Variants in SUN2 observed in about 807,000 individuals in gnomAD.
SUN2 encodes the protein SUN domain-containing protein 2.
Under a neutral mutation model 100.0 loss-of-function variants are expected in SUN2, and 60 were observed. The ratio of observed to expected loss-of-function variants is 0.60; its 90% CI spans 0.49 to 0.74. The LOEUF (loss-of-function observed/expected upper bound fraction) is 0.74, where lower values mean the gene tolerates loss of function less well. Ranked by LOEUF, SUN2 falls within the 30% of genes least tolerant of loss-of-function variation. The pLI, the probability that SUN2 is intolerant of heterozygous loss-of-function variation, is 0.00. For synonymous variants in SUN2, 367 were observed against 403.3 expected (o/e 0.91, Z 1.08); for missense variants, 834 against 954.6 (o/e 0.87, Z 1.66).
At position 38,740,246 on chromosome 22, in the gene SUN2, G is replaced by A; in HGVS notation, c.1356+21C>T. On this transcript the variant is annotated intron_variant, in intron 12 of 17. Transcript: ENST00000689035. This position sits in a 1 kb window ranked among gnomAD's most constrained non-coding sequence, Gnocchi z 4.8. ...AAGGAGGAGGAGAGGGACCAGCAGG[G>A]CCCTGGTGGTTCCCACTCACGTCGT... is the stretch of plus-strand genomic sequence containing the variant. The A allele has an allele frequency of 6.5e-7, 1 of 1,543,694 alleles. No individual in the cohort carries two copies.
intron 8 of SUN2, 27 bp downstream of exon 8, chr22:38,745,657 T>G: frequency 6.2e-7 from 1 of 1,611,902 alleles, no homozygotes; most frequent in Non-Finnish European, 8.5e-7. Context: ...GCTAAGCTCT[T>G]GGGAGCTACC....
chr22:38,749,654 A>G, intron 6 of SUN2, 112 bp downstream of exon 6: 1 of 1,013,542 alleles, frequency 9.9e-7, no homozygotes, highest in Middle Eastern at 2.1e-4. Context: ...TAAAGGCTCC[A>G]GGGAAACTGG....
At position 38,741,000 on chromosome 22, in the gene SUN2, C is replaced by G; in HGVS notation, c.1190+7G>C. The G allele has an allele frequency of 6.3e-7, 1 of 1,590,852 alleles. No individual in the cohort carries two copies. Among genetic ancestry groups the G allele is most frequent in the Non-Finnish European group, 8.6e-7 (1 of 1,168,782 alleles). Reference sequence around the variant, plus strand: ...GCAGGCCGAGGCCAGCTGGTGGCGCCCAGTACCTTTGCCACTCTGACTTCA... The same window carrying G: ...GCAGGCCGAGGCCAGCTGGTGGCGCGCAGTACCTTTGCCACTCTGACTTCA... On this transcript the variant is annotated splice_region_variant and intron_variant, in intron 11 of 17. Transcript: ENST00000689035. The surrounding 1 kb of genome is among the most constrained non-coding windows in gnomAD (Gnocchi z 4.8).
intron 8 of SUN2, among the ~76,000 whole-genome samples, chr22:38,744,313 C>G (rs1317431700): frequency 1.3e-5 from 2 of 149,664 alleles, no homozygotes; most frequent in African/African-American, 4.9e-5. Context: ...TGCAGTGACT[C>G]ATGCCTGTAA....
rs1369939881 is a variant in SUN2 at position 38,739,151 on chromosome 22, G to T, written c.1664-163C>A. 2.2e-6 allele frequency: 2 copies of T among 904,838 alleles called. No homozygotes were observed. Among genetic ancestry groups the T allele is most frequent in the Non-Finnish European group, 3.5e-6 (2 of 574,266 alleles). 56.1% of individuals were successfully genotyped at this position (904,838 alleles called of 1,614,324 possible). ...AGCTTTAAAGGTCAGCCTCTCCCTGGCCCAGGATGGTACTCGGTACGTCCT... is the reference window on the plus strand; with the variant it reads ...AGCTTTAAAGGTCAGCCTCTCCCTGTCCCAGGATGGTACTCGGTACGTCCT... On this transcript the variant is annotated intron_variant, in intron 14 of 17. Coordinates refer to ENST00000689035, the MANE Select transcript of SUN2 (RefSeq NM_015374.3). This position sits in a 1 kb window ranked among gnomAD's most constrained non-coding sequence, Gnocchi z 6.7.
In SUN2 at chr22:38,740,223, G is replaced by C; in HGVS notation, c.1356+44C>G. 6.7e-7 allele frequency: 1 copy of C among 1,497,126 alleles called. No homozygotes were observed. The highest frequency in any genetic ancestry group is 8.9e-7 in the Non-Finnish European group (1 of 1,120,304). 92.7% of individuals were successfully genotyped at this position (1,497,126 alleles called of 1,614,324 possible). A position where few individuals can be genotyped will look rare whatever the true frequency, so the allele number is the denominator to read the frequency against. ...AGGCCCCAGGACACGTCGTCTCAAA[G>C]GAGGAGGAGAGGGACCAGCAGGGCC... On this transcript the variant is annotated intron_variant, in intron 12 of 17. Coordinates refer to ENST00000689035, the MANE Select transcript of SUN2 (RefSeq NM_015374.3). The surrounding 1 kb of genome is among the most constrained non-coding windows in gnomAD (Gnocchi z 4.8).
chr22:38,751,878 G>A (rs545108587), intron 2 of SUN2, among the ~76,000 whole-genome samples: 2 of 152,370 alleles, frequency 1.3e-5, no homozygotes, highest in East Asian at 1.9e-4. Flanking sequence ...TCCAGAGCAG[G>A]GGGGGTTCCT....
intron 1 of SUN2, chr22:38,754,610 C>T: frequency 2.4e-5 from 12 of 492,962 alleles, no homozygotes; most frequent in Non-Finnish European, 4.4e-5. Context: ...ATCTCCCCTC[C>T]CCCCTCCCTG....
chr22:38,740,461 C>A lies in SUN2; in HGVS notation c.1191-29G>T. 6.9e-7 allele frequency: 1 copy of A among 1,445,558 alleles called. No homozygotes were observed. The highest frequency in any genetic ancestry group is 2.6e-5 in the East Asian group (1 of 38,986). 89.5% of individuals were successfully genotyped at this position (1,445,558 alleles called of 1,614,324 possible). A position where few individuals can be genotyped will look rare whatever the true frequency, so the allele number is the denominator to read the frequency against. On this transcript the variant is annotated intron_variant, in intron 11 of 17. Coordinates refer to ENST00000689035, the MANE Select transcript of SUN2 (RefSeq NM_015374.3). This position sits in a 1 kb window ranked among gnomAD's most constrained non-coding sequence, Gnocchi z 4.8. ...GTCCCAGAGAGAGAAGAGTAAGCCT[C>A]GGATCTCTTTGGTGGGAGGTAAGGC...
Position 38,734,774 on chromosome 22 carries a change from A to T in SUN2, c.*1493T>A, listed in dbSNP as rs528217660. On this transcript the variant is annotated 3_prime_UTR_variant, in exon 18 of 18. Transcript: ENST00000689035. ...ATTTTTTGCATAGGCATAAATTAGG[A>T]TCTGGAGATAAAAAACTTAAGAACC... 1 of 175,990 alleles carries T rather than the reference A, an allele frequency of 5.7e-6. No individual in the cohort carries two copies. The highest frequency in any genetic ancestry group is 1.2e-5 in the Non-Finnish European group (1 of 80,720). The allele number at this position is 175,990 out of a possible 1,614,324, so 10.9% of individuals were successfully genotyped here.
chr22:38,748,439 G>A (rs1363300849), intron 7 of SUN2, among the ~76,000 whole-genome samples: 2 of 152,258 alleles, frequency 1.3e-5, no homozygotes, highest in Admixed American at 1.3e-4. Flanking sequence ...CCCTGTTGGA[G>A]TGGAAGGAGG....
In SUN2 at chr22:38,738,689, G is replaced by A; in HGVS notation, c.1845C>T (p.Leu615=). ...QGPQGFAVVR[L]SARIRPTAVT... is the part of the protein sequence containing the mutation. Reference sequence around the variant, plus strand: ...CGGCTGTGGGGCGGATGCGGGCAGAGAGGCGGACCACGGCGAAGCCTTGTG... The same window carrying A: ...CGGCTGTGGGGCGGATGCGGGCAGAAAGGCGGACCACGGCGAAGCCTTGTG... Residue 615 remains leucine (L), a synonymous_variant, in exon 16 of 18, where the codon CTC becomes CTT. Coordinates refer to ENST00000689035, the MANE Select transcript of SUN2 (RefSeq NM_015374.3). This position sits in a 1 kb window ranked among gnomAD's most constrained non-coding sequence, Gnocchi z 6.6. 6.2e-7 allele frequency: 1 copy of A among 1,613,836 alleles called. No individual in the cohort carries two copies. The highest frequency in any genetic ancestry group is 8.5e-7 in the Non-Finnish European group (1 of 1,180,028).
chr22:38,738,909 C>G lies in SUN2; in HGVS notation c.1743G>C (p.Leu581=), dbSNP rs377722106. The G allele has an allele frequency of 1.1e-5, 17 of 1,611,676 alleles. No homozygotes were observed. Among genetic ancestry groups the G allele is most frequent in the Non-Finnish European group, 1.4e-5 (17 of 1,178,580 alleles). ...TALLSLFGIP[L]WYHSQSPRVI... ...CTCGGGGTGACTGGGAGTGGTACCA[C>G]AGGGGGATGCCGAAGAGGCTGAGGA... The change falls in exon 15 of 18, where the codon CTG becomes CTC. Residue 581 remains leucine, a synonymous_variant. Transcript: ENST00000689035. The surrounding 1 kb of genome is among the most constrained non-coding windows in gnomAD (Gnocchi z 6.6).
intron 1 of SUN2, among the ~76,000 whole-genome samples, chr22:38,754,360 A>G (rs1470196907): frequency 1.3e-5 from 2 of 152,194 alleles, no homozygotes; most frequent in Non-Finnish European, 2.9e-5. Flanking sequence ...TGTGGTGAGT[A>G]TAGAAGTCCA....
chr22:38,752,277 C>T (rs2092951393), intron 2 of SUN2, among the ~76,000 whole-genome samples: 1 of 152,216 alleles, frequency 6.6e-6, no homozygotes, highest in African/African-American at 2.4e-5. Flanking sequence ...GTTTTCTAAG[C>T]ATGAGGGCAG....
chr22:38,741,170 C>T lies in SUN2; in HGVS notation c.1147-120G>A, dbSNP rs1391288910. 3 of 1,128,120 alleles carry T rather than the reference C, an allele frequency of 2.7e-6. No homozygotes were observed. The Admixed American group carries it at 6.0e-5, about 23-fold the overall frequency. The allele number at this position is 1,128,120 out of a possible 1,614,324, so 69.9% of individuals were successfully genotyped here. Reference sequence around the variant, plus strand: ...CACACCCCTGCCCAAGGTCTCTTGACCCCTGCAGCAAAAATCAAACTGGCC... The same window carrying T: ...CACACCCCTGCCCAAGGTCTCTTGATCCCTGCAGCAAAAATCAAACTGGCC... On this transcript the variant is annotated intron_variant, in intron 10 of 17. Transcript: ENST00000689035.
At position 38,735,126 on chromosome 22, in the gene SUN2, TG is replaced by T; in HGVS notation, c.*1140del. ...CTTGAAAAATATATACATAATACAG[TG>T]GGGCCTGCTGGCTCTAAAAGTCCCC... is the stretch of plus-strand genomic sequence containing the variant. On this transcript the variant is annotated 3_prime_UTR_variant, in exon 18 of 18. Coordinates refer to ENST00000689035, the MANE Select transcript of SUN2 (RefSeq NM_015374.3). 1 of 406,202 alleles carries T rather than the reference TG, an allele frequency of 2.5e-6. No homozygotes were observed. 25.2% of individuals were successfully genotyped at this position (406,202 alleles called of 1,614,324 possible).
At chr22:38,736,524 A>G in intron 17 of SUN2, 144 bp from the exon 18 acceptor site, 1 of 609,924 alleles carries the variant, frequency 1.6e-6, no homozygotes, top group East Asian at 3.0e-5. Flanking sequence ...CCAGGCTTCA[A>G]AAGCTCCTAT....
rs2092851851 is a variant in SUN2, at chr22:38,740,941, G to A, written c.1190+66C>T. The A allele has an allele frequency of 6.7e-7, 1 of 1,502,404 alleles. No homozygotes were observed. Among genetic ancestry groups the A allele is most frequent in the East Asian group, 2.4e-5 (1 of 41,332 alleles). The allele number at this position is 1,502,404 out of a possible 1,614,324, so 93.1% of individuals were successfully genotyped here. On this transcript the variant is annotated intron_variant, in intron 11 of 17. Coordinates refer to ENST00000689035, the MANE Select transcript of SUN2 (RefSeq NM_015374.3). The surrounding 1 kb of genome is among the most constrained non-coding windows in gnomAD (Gnocchi z 4.8). ...CTCTGCTCTGCGGCTCTGCTCCCCA[G>A]TCCTGCCTGGAGAGTGGGTGGGGCT...
Sources: gnomAD v4.1 joint callset for allele counts (sites outside exome capture counted in the v4.1 genomes callset) on GRCh38, gnomAD v4.1.1 for gene constraint, Gnocchi (gnomAD v3.1) non-coding constraint, MANE v1.5 for transcripts, NCBI Gene and HGNC (gene_info 2026-07-23, HGNC 2026-07-21) for gene names.